EGFLAM: variants seen among roughly 807,000 people sequenced by gnomAD.
The protein encoded by EGFLAM is EGF like, fibronectin type III and laminin G domains, also known as pikachurin.
In EGFLAM, 79 loss-of-function variants were observed where a neutral mutation model predicts 113.1. That is an observed-to-expected ratio of 0.70 (90% CI 0.58 to 0.84). EGFLAM has a LOEUF of 0.84. Ranked by LOEUF, EGFLAM falls within the 40% of genes least tolerant of loss-of-function variation. The pLI, the probability that EGFLAM is intolerant of heterozygous loss-of-function variation, is 0.00. For missense variants in EGFLAM, 1,265 were observed against 1,291.6 expected, an observed-to-expected ratio of 0.98 and a Z score of 0.32; for synonymous variants, 504 against 487.6, an observed-to-expected ratio of 1.03 and a Z score of -0.44.
At chr5:38,361,194 T>C (rs1739911948) in intron 5 of EGFLAM, among the ~76,000 whole-genome samples, 1 of 152,076 alleles carries the variant, frequency 6.6e-6, no homozygotes, top group Non-Finnish European at 1.5e-5. Flanking sequence ...CTTGCTATCC[T>C]GTCAGGACAG....
Position 38,412,633 on chromosome 5 carries a change from G to A in EGFLAM, c.1479G>A (p.Val493=), listed in dbSNP as rs187130699. 3.9e-5 allele frequency: 63 copies of A among 1,614,042 alleles called. No individual in the cohort carries two copies. In the Admixed American group the frequency reaches 4.2e-4, roughly 11 times the overall value. The change falls in exon 11 of 22, where the codon GTG becomes GTA. Residue 493 remains valine (V), a synonymous_variant. Coordinates refer to ENST00000322350, the MANE Select transcript of EGFLAM (RefSeq NM_152403.4). ...GLLQLNNGTP[V]TGQSQGQYSK... is the part of the protein sequence containing the mutation. Reference sequence around the variant, plus strand: ...TGCAGCTGAACAATGGCACCCCAGTGACAGGCCAGTCTCAGGTATGTATGA... The same window carrying A: ...TGCAGCTGAACAATGGCACCCCAGTAACAGGCCAGTCTCAGGTATGTATGA...
At chr5:38,451,673 A>C (rs1579952126) in intron 19 of EGFLAM, 1 of 586,246 alleles carries the variant, frequency 1.7e-6, no homozygotes, top group Non-Finnish European at 2.8e-6. Context: ...GCCAAATCTG[A>C]CCCACCACTC....
At chr5:38,462,118 G>C (rs1743300124) in intron 20 of EGFLAM, among the ~76,000 whole-genome samples, 1 of 152,130 alleles carries the variant, frequency 6.6e-6, no homozygotes, top group Non-Finnish European at 1.5e-5. Context: ...GCAGTGAGCC[G>C]AGATCGCGCC....
At chr5:38,357,486 T>C (rs1396573600) in intron 5 of EGFLAM, among the ~76,000 whole-genome samples, 2 of 152,144 alleles carry the variant, frequency 1.3e-5, no homozygotes, top group Non-Finnish European at 2.9e-5. Context: ...GGGAGGGGGT[T>C]GTCTGCAGTT....
chr5:38,340,903 G>A (rs1421884909), intron 3 of EGFLAM, among the ~76,000 whole-genome samples: 1 of 151,712 alleles, frequency 6.6e-6, no homozygotes, highest in East Asian at 1.9e-4. Context: ...ATGAAAAGAG[G>A]AAATCAAGAC....
At chr5:38,435,431 A>G (rs1359138174) in intron 16 of EGFLAM, among the ~76,000 whole-genome samples, 178 bp downstream of exon 16, 1 of 152,236 alleles carries the variant, frequency 6.6e-6, no homozygotes, top group East Asian at 1.9e-4. Context: ...CTTTCTTAGA[A>G]CATCTGCTCC....
intron 1 of EGFLAM, among the ~76,000 whole-genome samples, chr5:38,282,758 A>G (rs904908803): frequency 6.6e-6 from 1 of 152,228 alleles, no homozygotes; most frequent in Non-Finnish European, 1.5e-5. Flanking sequence ...TGTATATATC[A>G]TGGGAAGAAG....
Position 38,390,908 on chromosome 5 carries a change from C to T in EGFLAM, c.713-15218C>T, listed in dbSNP as rs1017496581. On this transcript the variant is annotated intron_variant, in intron 6 of 21. Transcript: ENST00000322350. ...TATATGTTTAAATACTAATCCTTAG[C>T]CAATCATGTGTTGCAGGTATCTCCT... 3.6e-4 allele frequency among the ~76,000 whole-genome samples: 55 copies of T among 151,966 alleles called. 1 individual carries two copies. Among genetic ancestry groups the T allele is most frequent in the Admixed American group, 3.6e-3 (55 of 15,260 alleles).
chr5:38,382,130 AT>A (rs1365840046), intron 6 of EGFLAM, among the ~76,000 whole-genome samples: 4 of 152,218 alleles, frequency 2.6e-5, no homozygotes, highest in African/African-American at 4.8e-5. Flanking sequence ...TTCAGGCAAC[AT>A]AAAAAATATT....
Position 38,284,331 on chromosome 5 carries a change from C to T in EGFLAM, c.97+25480C>T, listed in dbSNP as rs145635844. Reference sequence around the variant, plus strand: ...AGGGTTAACAAACTTTTTTTTGTAACAGGTCAGACAATACATATTTTGTTC... The same window carrying T: ...AGGGTTAACAAACTTTTTTTTGTAATAGGTCAGACAATACATATTTTGTTC... On this transcript the variant is annotated intron_variant, in intron 1 of 21. Coordinates refer to ENST00000322350, the MANE Select transcript of EGFLAM (RefSeq NM_152403.4). 3.5e-3 allele frequency among the ~76,000 whole-genome samples: 535 copies of T among 152,226 alleles called. 9 individuals carry two copies. In the South Asian group the frequency reaches 0.045, roughly 13 times the overall value.
At chr5:38,371,430 C>T (rs1262802500) in intron 6 of EGFLAM, among the ~76,000 whole-genome samples, 1 of 152,162 alleles carries the variant, frequency 6.6e-6, no homozygotes, top group Non-Finnish European at 1.5e-5. Context: ...AAAGCACCCA[C>T]ACAGCTGACA....
intron 1 of EGFLAM, among the ~76,000 whole-genome samples, chr5:38,287,095 T>C (rs1758183362): frequency 6.6e-6 from 1 of 152,234 alleles, no homozygotes; most frequent in Non-Finnish European, 1.5e-5. Flanking sequence ...AATTCTTGTC[T>C]CCCAAGATCA....
chr5:38,414,003 G>A (rs897985116), intron 11 of EGFLAM, among the ~76,000 whole-genome samples: 3 of 152,114 alleles, frequency 2.0e-5, no homozygotes, highest in Admixed American at 1.3e-4. Context: ...GGAGATGCTC[G>A]CTCACCCCGC....
intron 1 of EGFLAM, among the ~76,000 whole-genome samples, chr5:38,309,203 A>G (rs1032583800): frequency 6.6e-6 from 1 of 152,246 alleles, no homozygotes; most frequent in African/African-American, 2.4e-5. Flanking sequence ...TACATACTAC[A>G]TAATAATGTG....
intron 11 of EGFLAM, among the ~76,000 whole-genome samples, chr5:38,416,378 G>A (rs895141778): frequency 1.3e-5 from 2 of 152,186 alleles, no homozygotes; most frequent in Non-Finnish European, 2.9e-5. Context: ...TCAGGGTATG[G>A]CTTCTGCCTG....
In EGFLAM at chr5:38,362,868, C is replaced by T. The variant is rs184638928; in HGVS notation, c.546-7428C>T. On this transcript the variant is annotated intron_variant, in intron 5 of 21. Transcript: ENST00000322350. Reference sequence around the variant, plus strand: ...CCCGTAAAGCTTCAATTCCTCCTACCCTAAACATTCCTGATATAATTCCTG... The same window carrying T: ...CCCGTAAAGCTTCAATTCCTCCTACTCTAAACATTCCTGATATAATTCCTG... 3.3e-5 allele frequency among the ~76,000 whole-genome samples: 5 copies of T among 152,298 alleles called. No homozygotes were observed. The East Asian group carries it at 9.6e-4, about 29-fold the overall frequency.
rs747530798 is a variant in EGFLAM at position 38,418,076 on chromosome 5, G to A, written c.1505G>A (p.Ser502Asn). The A allele has an allele frequency of 6.2e-7, 1 of 1,613,612 alleles. No individual in the cohort carries two copies. The highest frequency in any genetic ancestry group is 8.5e-7 in the Non-Finnish European group (1 of 1,179,802). The change falls in exon 12 of 22, where the codon AGT (serine) becomes AAT (asparagine). Residue 502 changes from serine to asparagine, a missense_variant. Ser to Asn is a conservative substitution (Grantham distance 46). Transcript: ENST00000322350. ...TCATCTTTCTTAAAGGGCCAATACAGTAAAATTACTTTCCGGACACCTCTC... is the reference window on the plus strand; with the variant it reads ...TCATCTTTCTTAAAGGGCCAATACAATAAAATTACTTTCCGGACACCTCTC... ...PVTGQSQGQY[S>N]KITFRTPLYL...
rs772637164 is a variant in EGFLAM, at chr5:38,337,639, C to A, written c.207+10C>A. The A allele has an allele frequency of 1.3e-6, 2 of 1,584,676 alleles. No homozygotes were observed. Among genetic ancestry groups the A allele is most frequent in the African/African-American group, 1.3e-5 (1 of 74,408 alleles). ...CATCCTTGGGTACACTGTGAGTACACGGGCATGGGAGTTTCCTCGGTGGGT... is the reference window on the plus strand; with the variant it reads ...CATCCTTGGGTACACTGTGAGTACAAGGGCATGGGAGTTTCCTCGGTGGGT... On this transcript the variant is annotated intron_variant, in intron 2 of 21. Transcript: ENST00000322350.
intron 1 of EGFLAM, among the ~76,000 whole-genome samples, chr5:38,272,390 G>A (rs17422587): frequency 0.41 from 62,910 of 152,014 alleles, 13,557 homozygotes; most frequent in Middle Eastern, 0.56. Flanking sequence ...TAAAACCAAA[G>A]GAAAGAGAGG....
Sources: gnomAD v4.1 joint callset for allele counts (sites outside exome capture counted in the v4.1 genomes callset) on GRCh38, gnomAD v4.1.1 for gene constraint, MANE v1.5 for transcripts, NCBI Gene and HGNC (gene_info 2026-07-23, HGNC 2026-07-21) for gene names.